Variants in TMCC3 observed in about 807,000 individuals in gnomAD.
The protein encoded by TMCC3 is transmembrane and coiled-coil domain family 3.
Under a neutral mutation model 40.2 loss-of-function variants are expected in TMCC3, and 28 were observed. That is an observed-to-expected ratio of 0.70 (90% CI 0.52 to 0.95). The LOEUF (loss-of-function observed/expected upper bound fraction) is 0.95, where lower values mean the gene tolerates loss of function less well. Among genes scored for constraint, TMCC3 ranks in the 40% least tolerant of loss-of-function variants. TMCC3 has a pLI of 0.00. For synonymous variants in TMCC3, 255 were observed against 248.5 expected (o/e 1.03, Z -0.25); for missense variants, 554 against 615.2 (o/e 0.90, Z 1.05).
intron 1 of TMCC3, among the ~76,000 whole-genome samples, chr12:94,617,068 C>T (rs1029862846): frequency 4.3e-4 from 65 of 152,262 alleles, no homozygotes; most frequent in Non-Finnish European, 7.9e-4. Context: ...AGAGGACTTG[C>T]CACCACCTGG....
intron 1 of TMCC3, among the ~76,000 whole-genome samples, chr12:94,625,266 G>A (rs1204433049): frequency 6.6e-6 from 1 of 151,720 alleles, no homozygotes; most frequent in Non-Finnish European, 1.5e-5. Context: ...TTTGGTGGGG[G>A]ACACAGGTCA....
intron 3 of TMCC3, among the ~76,000 whole-genome samples, chr12:94,572,014 T>G (rs1158182713): frequency 6.6e-6 from 1 of 152,236 alleles, no homozygotes; most frequent in Admixed American, 6.5e-5. Flanking sequence ...TTACCTGTTT[T>G]TTTTGAGATG....
chr12:94,580,734 TCAAA>T (rs113927274), intron 2 of TMCC3, among the ~76,000 whole-genome samples: 2,725 of 151,918 alleles, frequency 0.018, 28 homozygotes, highest in African/African-American at 0.033. Context: ...AAACTCCATC[TCAAA>T]CAAACAAACA....
intron 1 of TMCC3, among the ~76,000 whole-genome samples, chr12:94,631,315 A>T (rs1340163107): frequency 6.6e-6 from 1 of 152,196 alleles, no homozygotes; most frequent in African/African-American, 2.4e-5. Context: ...TTCATACTGA[A>T]ATCCTAACCC....
intron 2 of TMCC3, among the ~76,000 whole-genome samples, chr12:94,580,082 T>C (rs1345664160): frequency 2.0e-5 from 3 of 152,214 alleles, no homozygotes; most frequent in African/African-American, 7.2e-5. Context: ...AAATCATACA[T>C]CAATTATAAA....
At chr12:94,582,965 CTTTTTTTTTTT>C (rs753900771) in intron 1 of TMCC3, among the ~76,000 whole-genome samples, 97 of 59,954 alleles carry the variant, frequency 1.6e-3, no homozygotes, top group Non-Finnish European at 8.5e-4. Context: ...GAAGGAGAAT[CTTTTTTTTTTT>C]TTTTTTTTTT....
chr12:94,620,556 G>A (rs2068870782), intron 1 of TMCC3, among the ~76,000 whole-genome samples: 1 of 151,788 alleles, frequency 6.6e-6, no homozygotes, highest in African/African-American at 2.4e-5. Flanking sequence ...CCAAAGTGCT[G>A]GGATTACAGG....
intron 1 of TMCC3, among the ~76,000 whole-genome samples, chr12:94,626,104 G>C (rs539043448): frequency 6.6e-6 from 1 of 152,296 alleles, no homozygotes; most frequent in East Asian, 1.9e-4. Context: ...GCAGGCAAGA[G>C]AGAACGCATG....
chr12:94,584,008 T>C (rs2138828732), intron 1 of TMCC3, among the ~76,000 whole-genome samples: 1 of 152,278 alleles, frequency 6.6e-6, no homozygotes, highest in East Asian at 1.9e-4. Context: ...ATTCAGCATG[T>C]TACCTTTTTT....
chr12:94,584,962 T>C (rs1365391526), intron 1 of TMCC3, among the ~76,000 whole-genome samples: 3 of 152,056 alleles, frequency 2.0e-5, no homozygotes, highest in Non-Finnish European at 4.4e-5. Context: ...GGCTCATTAG[T>C]GGACCCAAAC....
chr12:94,582,185 C>T lies in TMCC3; in HGVS notation c.432G>A (p.Glu144=). The part of the protein sequence containing the change: ...EQYHRKLREI[E]QNGASRSSKD... ...TTGAGCTCCTAGAGGCTCCATTCTGCTCGATCTCTCTGAGCTTTCGATGAT... is the reference window on the plus strand; with the variant it reads ...TTGAGCTCCTAGAGGCTCCATTCTGTTCGATCTCTCTGAGCTTTCGATGAT... Residue 144 remains glutamate, a synonymous_variant, in exon 2 of 4, where the codon GAG becomes GAA. Transcript: ENST00000261226. 6.2e-7 allele frequency: 1 copy of T among 1,614,172 alleles called. No homozygotes were observed. The highest frequency in any genetic ancestry group is 8.5e-7 in the Non-Finnish European group (1 of 1,180,016).
At chr12:94,622,080 C>A (rs999181998) in intron 1 of TMCC3, among the ~76,000 whole-genome samples, 2 of 152,224 alleles carry the variant, frequency 1.3e-5, no homozygotes, top group African/African-American at 4.8e-5. Flanking sequence ...CACACCATTT[C>A]TTGGTCAAAT....
chr12:94,573,936 C>A (rs979567408), intron 3 of TMCC3, among the ~76,000 whole-genome samples: 1 of 152,194 alleles, frequency 6.6e-6, no homozygotes, highest in African/African-American at 2.4e-5. Flanking sequence ...CTCCCTTCAG[C>A]TCTCCTCCCC....
intron 1 of TMCC3, among the ~76,000 whole-genome samples, chr12:94,640,009 T>C (rs2068981134): frequency 6.6e-6 from 1 of 152,228 alleles, no homozygotes; most frequent in Non-Finnish European, 1.5e-5. Context: ...AGGGTTTTCC[T>C]AGATGATTCT....
At chr12:94,645,495 T>A (rs933684159) in intron 1 of TMCC3, among the ~76,000 whole-genome samples, 2 of 152,208 alleles carry the variant, frequency 1.3e-5, no homozygotes, top group African/African-American at 4.8e-5. Context: ...TGGAGTGCAA[T>A]GGCACAATCC....
chr12:94,617,298 A>G (rs1301525321), intron 1 of TMCC3, among the ~76,000 whole-genome samples: 2 of 152,072 alleles, frequency 1.3e-5, no homozygotes, highest in East Asian at 3.9e-4. Context: ...GCCTTAGGCA[A>G]CTCTCTGAGG....
intron 1 of TMCC3, among the ~76,000 whole-genome samples, chr12:94,622,419 T>C (rs1054286297): frequency 6.6e-6 from 1 of 152,210 alleles, no homozygotes. Context: ...CCTCTCTTGT[T>C]AGGTACTTAC....
chr12:94,595,324 G>A (rs535822035), intron 1 of TMCC3, among the ~76,000 whole-genome samples: 2 of 152,214 alleles, frequency 1.3e-5, no homozygotes, highest in East Asian at 3.9e-4. Flanking sequence ...TGTTTAATAG[G>A]GGGAATGTGG....
At chr12:94,593,121 T>A (rs11836483) in intron 1 of TMCC3, among the ~76,000 whole-genome samples, 8 of 150,894 alleles carry the variant, frequency 5.3e-5, no homozygotes, top group East Asian at 2.0e-4. Flanking sequence ...CGCTTGCACC[T>A]GGGAGGTGGA....
Sources: gnomAD v4.1 joint callset for allele counts (sites outside exome capture counted in the v4.1 genomes callset) on GRCh38, gnomAD v4.1.1 for gene constraint, MANE v1.5 for transcripts, NCBI Gene and HGNC (gene_info 2026-07-23, HGNC 2026-07-21) for gene names.